The following EPS15 variants were observed in gnomAD, a reference collection of about 807,000 sequenced individuals.
The protein encoded by EPS15 is epidermal growth factor receptor pathway substrate 15.
In EPS15, 72 loss-of-function variants were observed where a neutral mutation model predicts 113.8. The ratio of observed to expected loss-of-function variants is 0.63; its 90% CI spans 0.52 to 0.77. The LOEUF (loss-of-function observed/expected upper bound fraction) is 0.77, where lower values mean the gene tolerates loss of function less well. Ranked by LOEUF, EPS15 falls within the 30% of genes least tolerant of loss-of-function variation. The pLI is 0.00. For missense variants in EPS15, 1,048 were observed against 1,045.8 expected (o/e 1.00, Z -0.03); for synonymous variants, 344 against 363.4 (o/e 0.95, Z 0.61).
chr1:51,407,263 T>C (rs1649218416), intron 15 of EPS15, among the ~76,000 whole-genome samples: 1 of 152,160 alleles, frequency 6.6e-6, no homozygotes, highest in Non-Finnish European at 1.5e-5. Context: ...AGTGGTGTGA[T>C]CTGAGCTCAC....
chr1:51,472,510 A>T (rs59272392), intron 3 of EPS15, among the ~76,000 whole-genome samples: 4,573 of 152,260 alleles, frequency 0.03, 75 homozygotes, highest in African/African-American at 0.05. Context: ...TATTTACCAC[A>T]CATTAAACAG....
At chr1:51,387,115 G>A (rs1647102120) in intron 21 of EPS15, among the ~76,000 whole-genome samples, 2 of 152,168 alleles carry the variant, frequency 1.3e-5, no homozygotes, top group African/African-American at 2.4e-5. Flanking sequence ...ACTAACAGCG[G>A]ATCTCTTGGC....
intron 21 of EPS15, among the ~76,000 whole-genome samples, chr1:51,369,479 T>A (rs115378946): frequency 6.6e-6 from 1 of 152,204 alleles, no homozygotes; most frequent in Non-Finnish European, 1.5e-5. Flanking sequence ...GCTGCACTTA[T>A]GACCTCATTA....
chr1:51,463,236 G>A (rs1218856389), intron 7 of EPS15: 1 of 152,400 alleles, frequency 6.6e-6, no homozygotes, highest in Non-Finnish European at 1.5e-5. Context: ...GCTAGTTTCT[G>A]GAAAAGAGCT....
chr1:51,512,325 T>C (rs1644635439), intron 1 of EPS15, among the ~76,000 whole-genome samples: 1 of 152,164 alleles, frequency 6.6e-6, no homozygotes, highest in Non-Finnish European at 1.5e-5. Context: ...TTGCCCAAGA[T>C]CACAGAACTA....
chr1:51,519,028 G>C (rs1047112480), intron 1 of EPS15, among the ~76,000 whole-genome samples, 171 bp downstream of exon 1: 11 of 151,264 alleles, frequency 7.3e-5, no homozygotes, highest in Non-Finnish European at 1.0e-4. Context: ...TCCGGCTCCG[G>C]AGGGCGCCCT....
At chr1:51,464,160 A>C (rs1482637266) in intron 6 of EPS15, among the ~76,000 whole-genome samples, 1 of 152,222 alleles carries the variant, frequency 6.6e-6, no homozygotes, top group Non-Finnish European at 1.5e-5. Context: ...GCAAAAAAGT[A>C]ACTTTTATAA....
rs187272323 is a variant in EPS15, at chr1:51,400,131, G to A, written c.1918+787C>T. 5.3e-5 allele frequency among the ~76,000 whole-genome samples: 8 copies of A among 152,260 alleles called. No individual in the cohort carries two copies. In the East Asian group the frequency reaches 1.3e-3, roughly 26 times the overall value. ...AGCCAATAGTTTAGAACAGGTTTGG[G>A]ATGCAAAACTAAATGGTAAACAAGA... On this transcript the variant is annotated intron_variant, in intron 19 of 24. Transcript: ENST00000371733.
rs977439206 is a variant in EPS15 at position 51,355,034 on chromosome 1, C to A, written c.*1666G>T. The A allele has an allele frequency of 1.3e-5, 3 of 223,244 alleles. No homozygotes were observed. Among genetic ancestry groups the A allele is most frequent in the Non-Finnish European group, 2.7e-5 (3 of 111,626 alleles). The allele number at this position is 223,244 out of a possible 1,614,324, so 13.8% of individuals were successfully genotyped here. On this transcript the variant is annotated 3_prime_UTR_variant, in exon 25 of 25. Transcript: ENST00000371733. ...AATTTTGCAGAAAATCCTTAGGTCA[C>A]TGGATTCGTTTATCAAAATTAAGCC...
At chr1:51,460,972 A>G in intron 8 of EPS15, 119 bp downstream of exon 8, 1 of 654,404 alleles carries the variant, frequency 1.5e-6, no homozygotes, top group Non-Finnish European at 2.6e-6. Context: ...AAAAAAAAAA[A>G]GTTCACCCAA....
chr1:51,354,989 C>T lies in EPS15; in HGVS notation c.*1711G>A, dbSNP rs1291122450. The T allele has an allele frequency of 4.5e-6, 1 of 221,720 alleles. No individual in the cohort carries two copies. Among genetic ancestry groups the T allele is most frequent in the Non-Finnish European group, 9.0e-6 (1 of 110,836 alleles). The allele number at this position is 221,720 out of a possible 1,614,324, so 13.7% of individuals were successfully genotyped here. A position where few individuals can be genotyped will look rare whatever the true frequency, so the allele number is the denominator to read the frequency against. Reference sequence around the variant, plus strand: ...AGGAAGAAAATAAACAAAAATACCACCTATCACAACTCCCAGTCAAATTTT... The same window carrying T: ...AGGAAGAAAATAAACAAAAATACCATCTATCACAACTCCCAGTCAAATTTT... On this transcript the variant is annotated 3_prime_UTR_variant, in exon 25 of 25. Transcript: ENST00000371733.
chr1:51,475,118 T>C (rs556111822), intron 2 of EPS15, among the ~76,000 whole-genome samples: 26 of 152,294 alleles, frequency 1.7e-4, no homozygotes, highest in Admixed American at 9.2e-4. Flanking sequence ...TCTTTGCTAC[T>C]GTGAATAGTG....
At chr1:51,417,831 TCAGA>T (rs1249178878) in intron 13 of EPS15, among the ~76,000 whole-genome samples, 2 of 152,132 alleles carry the variant, frequency 1.3e-5, no homozygotes, top group Non-Finnish European at 2.9e-5. Flanking sequence ...GAGTACAGAG[TCAGA>T]CAGTCAAAAA....
chr1:51,466,637 T>A (rs1180376572), intron 5 of EPS15, among the ~76,000 whole-genome samples: 3 of 150,624 alleles, frequency 2.0e-5, no homozygotes, highest in African/African-American at 7.3e-5. Context: ...AAAAAATAAA[T>A]AAATAAATAA....
intron 21 of EPS15, among the ~76,000 whole-genome samples, chr1:51,384,232 C>T (rs572841432): frequency 6.6e-6 from 1 of 151,650 alleles, no homozygotes; most frequent in South Asian, 2.1e-4. Context: ...AAAATTCATC[C>T]TAAAATTCAT....
At chr1:51,402,694 G>A (rs144835289) in intron 17 of EPS15, among the ~76,000 whole-genome samples, 169 bp from the exon 18 acceptor site, 18 of 152,246 alleles carry the variant, frequency 1.2e-4, no homozygotes, top group African/African-American at 4.1e-4. Flanking sequence ...GGAGGCTGAC[G>A]TGGGCAGATC....
intron 1 of EPS15, among the ~76,000 whole-genome samples, chr1:51,496,477 G>A (rs997330436): frequency 6.6e-6 from 1 of 152,078 alleles, no homozygotes; most frequent in East Asian, 1.9e-4. Context: ...AAAATGAATA[G>A]ATAATTTAAA....
intron 2 of EPS15, among the ~76,000 whole-genome samples, chr1:51,474,913 T>C (rs1446394548): frequency 1.4e-5 from 2 of 145,228 alleles, no homozygotes; most frequent in Admixed American, 7.0e-5. Context: ...TTCCCACCTA[T>C]GAGTGAGAAC....
At chr1:51,449,758 TG>T (rs1266785869) in intron 8 of EPS15, among the ~76,000 whole-genome samples, 2 of 149,612 alleles carry the variant, frequency 1.3e-5, no homozygotes, top group Admixed American at 6.6e-5. Flanking sequence ...GGGGAAGGGG[TG>T]GGGGTGGCTA....
Sources: gnomAD v4.1 joint callset for allele counts (sites outside exome capture counted in the v4.1 genomes callset) on GRCh38, gnomAD v4.1.1 for gene constraint, MANE v1.5 for transcripts, NCBI Gene and HGNC (gene_info 2026-07-23, HGNC 2026-07-21) for gene names.